The following DYNLT2 variants were observed in gnomAD, a reference collection of about 807,000 sequenced individuals.
DYNLT2 encodes the protein dynein light chain Tctex-type 2.
Under a neutral mutation model 24.3 loss-of-function variants are expected in DYNLT2, and 24 were observed. The ratio of observed to expected loss-of-function variants is 0.99; its 90% CI spans 0.71 to 1.39. The LOEUF (loss-of-function observed/expected upper bound fraction) is 1.39, where lower values mean the gene tolerates loss of function less well. Among genes scored for constraint, DYNLT2 ranks in the 40% most tolerant of loss-of-function variants. The pLI, the probability that DYNLT2 is intolerant of heterozygous loss-of-function variation, is 0.00. For synonymous variants in DYNLT2, 85 were observed against 85.4 expected, an observed-to-expected ratio of 1.00 and a Z score of 0.03; for missense variants, 246 against 234.5, an observed-to-expected ratio of 1.05 and a Z score of -0.32.
At chr6:169,726,788 T>TA in the DYNLT2 span, among the ~76,000 whole-genome samples, 3 of 152,096 alleles carry the variant, frequency 2.0e-5, no homozygotes, top group Admixed American at 6.5e-5. Flanking sequence ...GATGAAGATA[T>TA]AAAAAAACCA....
intron 3 of DYNLT2, among the ~76,000 whole-genome samples, chr6:169,741,996 C>A (rs1240588381): frequency 6.6e-6 from 1 of 152,194 alleles, no homozygotes; most frequent in Non-Finnish European, 1.5e-5. Flanking sequence ...CCCCATGCTT[C>A]ATCATGCAGT....
At position 169,751,343 on chromosome 6, in the gene DYNLT2, T is replaced by C. The variant is rs953516031; in HGVS notation, c.116A>G (p.Glu39Gly). Residue 39 changes from glutamate (E) to glycine (G), a missense_variant, in exon 1 of 4, where the codon GAG (glutamate) becomes GGG (glycine). Coordinates refer to ENST00000366774, the MANE Select transcript of DYNLT2 (RefSeq NM_174910.3). Reference protein sequence around the residue: ...KERRPSMFEKEAYTQILRERL... With the variant: ...KERRPSMFEKGAYTQILRERL... ...CCTAGCAGTCTCCGCACTCACTGCC[T>C]CCTTCTCGAACATGCTAGGCCTCCT... 1 of 1,613,712 alleles carries C rather than the reference T, an allele frequency of 6.2e-7. No individual in the cohort carries two copies. The highest frequency in any genetic ancestry group is 1.7e-5 in the Admixed American group (1 of 59,990).
At chr6:169,743,292 AT>A in intron 2 of DYNLT2, 54 bp from the exon 3 acceptor site, 1 of 1,141,088 alleles carries the variant, frequency 8.8e-7, no homozygotes, top group South Asian at 2.5e-5. Flanking sequence ...TATTTTCTAT[AT>A]AAAAATTCAA....
At chr6:169,728,431 T>C in the DYNLT2 span, among the ~76,000 whole-genome samples, 2 of 152,182 alleles carry the variant, frequency 1.3e-5, no homozygotes, top group African/African-American at 4.8e-5. Flanking sequence ...CAGCAAAGTC[T>C]AGAGGGGTAA....
the DYNLT2 span, among the ~76,000 whole-genome samples, chr6:169,733,853 T>C: frequency 6.6e-6 from 1 of 152,244 alleles, no homozygotes; most frequent in Admixed American, 6.5e-5. Flanking sequence ...GGGAATAACA[T>C]TGAATCTATA....
At chr6:169,734,007 T>C in the DYNLT2 span, among the ~76,000 whole-genome samples, 24 of 152,320 alleles carry the variant, frequency 1.6e-4, no homozygotes, top group Non-Finnish European at 5.9e-5. Context: ...ACATCCCTTG[T>C]TATCTCTATT....
intron 2 of DYNLT2, among the ~76,000 whole-genome samples, chr6:169,743,827 A>G (rs528415543): frequency 7.2e-5 from 11 of 152,192 alleles, no homozygotes; most frequent in Non-Finnish European, 1.6e-4. Flanking sequence ...GGAAATGGAC[A>G]TGGCTTGTGG....
the DYNLT2 span, among the ~76,000 whole-genome samples, chr6:169,733,525 C>T: frequency 6.6e-6 from 1 of 152,164 alleles, no homozygotes; most frequent in African/African-American, 2.4e-5. Flanking sequence ...TTTCCCAGCA[C>T]CATTTACTGA....
At chr6:169,725,379 A>G in the DYNLT2 span, 3 of 398,270 alleles carry the variant, frequency 7.5e-6, no homozygotes, top group African/African-American at 2.1e-5. Flanking sequence ...CACATTGACA[A>G]ACACCGACGT....
chr6:169,730,439 G>C, the DYNLT2 span, among the ~76,000 whole-genome samples: 1 of 152,112 alleles, frequency 6.6e-6, no homozygotes, highest in Non-Finnish European at 1.5e-5. Context: ...GCTAACTCCT[G>C]GCTGTAAGTC....
intron 1 of DYNLT2, chr6:169,749,809 G>C (rs1433286310): frequency 6.6e-6 from 1 of 152,124 alleles, no homozygotes; most frequent in African/African-American, 2.4e-5. Flanking sequence ...AAAAGAAATG[G>C]AGGCAAGACA....
At chr6:169,739,354 ACACTTT>A (rs2128335010), downstream of DYNLT2, among the ~76,000 whole-genome samples, 4 of 152,022 alleles carry the variant, frequency 2.6e-5, 1 homozygote, top group South Asian at 8.3e-4. Context: ...GCAAATAGCC[ACACTTT>A]TCACATGATC....
chr6:169,725,199 C>G, the DYNLT2 span: 1 of 398,838 alleles, frequency 2.5e-6, no homozygotes, highest in East Asian at 3.6e-5. Context: ...GGCGGCCCGC[C>G]GTACAGCTGG....
At chr6:169,748,991 A>G (rs968790156) in intron 1 of DYNLT2, among the ~76,000 whole-genome samples, 1 of 152,196 alleles carries the variant, frequency 6.6e-6, no homozygotes, top group African/African-American at 2.4e-5. Context: ...CTGAGTTTCT[A>G]CTGATATAGC....
chr6:169,743,451 C>A (rs1320820509), intron 2 of DYNLT2, among the ~76,000 whole-genome samples: 2 of 152,062 alleles, frequency 1.3e-5, no homozygotes, highest in Non-Finnish European at 2.9e-5. Flanking sequence ...TATTCAATTA[C>A]TTTTCATTAG....
the DYNLT2 span, among the ~76,000 whole-genome samples, chr6:169,729,705 G>A: frequency 6.6e-6 from 1 of 152,122 alleles, no homozygotes; most frequent in Non-Finnish European, 1.5e-5. Flanking sequence ...ATGAGGTCAC[G>A]AGAGCAGAGT....
chr6:169,738,722 C>G (rs553021212), downstream of DYNLT2: 1 of 152,486 alleles, frequency 6.6e-6, no homozygotes, highest in African/African-American at 2.4e-5. Context: ...TGCTTCTAGT[C>G]GGCCGTCTTG....
intron 3 of DYNLT2, among the ~76,000 whole-genome samples, chr6:169,741,850 A>G (rs2128335462): frequency 6.6e-6 from 1 of 152,238 alleles, no homozygotes; most frequent in Non-Finnish European, 1.5e-5. Flanking sequence ...AGCACTTATC[A>G]TCTACAACGT....
At position 169,748,583 on chromosome 6, in the gene DYNLT2, T is replaced by C. The variant is rs1256356955; in HGVS notation, c.120+2756A>G. 2.0e-5 allele frequency among the ~76,000 whole-genome samples: 3 copies of C among 152,180 alleles called. 1 individual carries two copies. Among genetic ancestry groups the C allele is most frequent in the Admixed American group, 1.3e-4 (2 of 15,284 alleles). On this transcript the variant is annotated intron_variant, in intron 1 of 3. Coordinates refer to ENST00000366774, the MANE Select transcript of DYNLT2 (RefSeq NM_174910.3). ...TCATCTGTCAGGCTTCTGTGTCTCT[T>C]AACTGCAAAAGCAGCATTATTAGCT...
Sources: gnomAD v4.1 joint callset for allele counts (sites outside exome capture counted in the v4.1 genomes callset) on GRCh38, gnomAD v4.1.1 for gene constraint, MANE v1.5 for transcripts, NCBI Gene and HGNC (gene_info 2026-07-23, HGNC 2026-07-21) for gene names.